The following MYO5B variants were observed in gnomAD, a reference collection of about 807,000 sequenced individuals.
MYO5B encodes the protein myosin VB.
MYO5B carries 143 observed loss-of-function variants against 229.3 expected under a neutral mutation model. The observed-to-expected ratio is 0.62, with a 90% CI of 0.54 to 0.72. The LOEUF (loss-of-function observed/expected upper bound fraction) is 0.72, where lower values mean the gene tolerates loss of function less well. MYO5B is among the 30% of genes least tolerant of loss of function. MYO5B has a pLI of 0.00. For missense variants in MYO5B, 2,321 were observed against 2,331.0 expected, an observed-to-expected ratio of 1.00 and a Z score of 0.09; for synonymous variants, 918 against 885.2, an observed-to-expected ratio of 1.04 and a Z score of -0.66.
chr18:49,897,019 CT>C (rs2024786266), intron 21 of MYO5B, among the ~76,000 whole-genome samples: 2 of 152,198 alleles, frequency 1.3e-5, no homozygotes, highest in Non-Finnish European at 2.9e-5. Flanking sequence ...AGCTATCTTC[CT>C]TGTTCAAGTT....
intron 17 of MYO5B, 74 bp from the exon 18 acceptor site, chr18:49,912,247 G>C (rs1598877497): frequency 9.3e-7 from 1 of 1,080,596 alleles, no homozygotes; most frequent in Non-Finnish European, 1.4e-6. Context: ...CGTGACCTCA[G>C]ACAGTTCCCT....
intron 1 of MYO5B, among the ~76,000 whole-genome samples, chr18:50,160,323 C>A (rs2144318322): frequency 6.6e-6 from 1 of 152,316 alleles, no homozygotes; most frequent in East Asian, 1.9e-4. Flanking sequence ...GAGGCCACAG[C>A]TGGAGGATCT....
intron 31 of MYO5B, among the ~76,000 whole-genome samples, chr18:49,851,652 G>A (rs1459707995): frequency 1.3e-5 from 2 of 149,842 alleles, no homozygotes; most frequent in Non-Finnish European, 3.0e-5. Flanking sequence ...TTGCTACCAG[G>A]AGGGACAATC....
chr18:49,952,068 C>A (rs2025436558), intron 14 of MYO5B, among the ~76,000 whole-genome samples: 1 of 152,214 alleles, frequency 6.6e-6, no homozygotes, highest in Non-Finnish European at 1.5e-5. Flanking sequence ...TCACACTGGG[C>A]AGGGGTCTGT....
At chr18:50,055,467 G>T in intron 1 of MYO5B, 89 bp from the exon 2 acceptor site, 1 of 1,054,018 alleles carries the variant, frequency 9.5e-7, no homozygotes, top group Non-Finnish European at 1.5e-6. Flanking sequence ...TGCCCATCAG[G>T]AGAACTTCTA....
chr18:49,995,219 T>C (rs2025974355), intron 5 of MYO5B, among the ~76,000 whole-genome samples: 1 of 151,152 alleles, frequency 6.6e-6, no homozygotes. Flanking sequence ...CCAAATCAAG[T>C]CAAAGGATAA....
In MYO5B at chr18:49,859,937, A is replaced by C. The variant is rs112140853; in HGVS notation, c.3945-3047T>G. Among the ~76,000 whole-genome samples the C allele has an allele frequency of 8.1e-3, 1,230 of 152,314 alleles. 8 individuals carry two copies. Among genetic ancestry groups the C allele is most frequent in the Admixed American group, 0.013 (193 of 15,302 alleles). ...TTGAGACTGCACACAGTTCCTTGTC[A>C]AACACAGTCTCCGCTGTCCCGGACA... On this transcript the variant is annotated intron_variant, in intron 29 of 39. Transcript: ENST00000285039.
In MYO5B at chr18:49,937,316, T is replaced by C. The variant is rs1267348047; in HGVS notation, c.1834A>G (p.Ile612Val). Reference sequence around the variant, plus strand: ...GGGGGTCTGGCAGAACGGACGCTGATCTTCGAAGATGACCCCTTCCCAGGG... The same window carrying C: ...GGGGGTCTGGCAGAACGGACGCTGACCTTCGAAGATGACCCCTTCCCAGGG... ...TTPGKGSSSK[I>V]SVRSARPPMK... Residue 612 changes from isoleucine (I) to valine (V), a missense_variant, in exon 15 of 40, where the codon ATC (isoleucine) becomes GTC (valine). Physicochemically the swap from Ile to Val is conservative, Grantham distance 29. Transcript: ENST00000285039. 1 of 1,614,140 alleles carries C rather than the reference T, an allele frequency of 6.2e-7. No individual in the cohort carries two copies. Among genetic ancestry groups the C allele is most frequent in the Non-Finnish European group, 8.5e-7 (1 of 1,180,010 alleles).
At chr18:50,076,103 CA>C (rs1186517577) in intron 1 of MYO5B, among the ~76,000 whole-genome samples, 3 of 152,152 alleles carry the variant, frequency 2.0e-5, no homozygotes, top group Admixed American at 6.5e-5. Flanking sequence ...GCTGGGAGGT[CA>C]ACAAGAAAGA....
intron 7 of MYO5B, among the ~76,000 whole-genome samples, chr18:49,989,239 T>C (rs867440733): frequency 2.6e-5 from 4 of 152,310 alleles, no homozygotes; most frequent in Admixed American, 6.5e-5. Context: ...GCAAGTGTTA[T>C]GAGGGCAGAC....
intron 22 of MYO5B, among the ~76,000 whole-genome samples, chr18:49,886,856 A>G (rs1242410122): frequency 1.3e-5 from 2 of 152,106 alleles, no homozygotes; most frequent in Non-Finnish European, 2.9e-5. Context: ...TCACTCATCC[A>G]TCACACATTT....
chr18:49,902,812 T>C lies in MYO5B; in HGVS notation c.2593A>G (p.Thr865Ala). 2 of 1,601,068 alleles carry C rather than the reference T, an allele frequency of 1.2e-6. No homozygotes were observed. The highest frequency in any genetic ancestry group is 1.7e-6 in the Non-Finnish European group (2 of 1,179,894). ...CCCCGCACGTGCTTCTGGATGGTGG[T>C]GGCCTTGTGCTCCATGAGGACCTGG... The part of the protein sequence containing the change: ...YRQVLMEHKA[T>A]TIQKHVRGWM... Residue 865 changes from threonine to alanine, a missense_variant, in exon 21 of 40, where the codon ACC (threonine) becomes GCC (alanine). Thr to Ala is a moderately conservative substitution (Grantham distance 58). Coordinates refer to ENST00000285039, the MANE Select transcript of MYO5B (RefSeq NM_001080467.3).
At chr18:50,126,889 A>G (rs1170285099) in intron 1 of MYO5B, among the ~76,000 whole-genome samples, 1 of 152,226 alleles carries the variant, frequency 6.6e-6, no homozygotes, top group African/African-American at 2.4e-5. Flanking sequence ...ATCTCATTGT[A>G]AAATAGGGTT....
At chr18:50,043,364 T>A (rs2030094345) in intron 2 of MYO5B, among the ~76,000 whole-genome samples, 1 of 82,516 alleles carries the variant, frequency 1.2e-5, no homozygotes, top group Non-Finnish European at 2.3e-5. Context: ...TATAAATATA[T>A]TATATAATAT....
intron 1 of MYO5B, among the ~76,000 whole-genome samples, chr18:50,132,206 G>A (rs893683078): frequency 1.3e-5 from 2 of 152,150 alleles, no homozygotes; most frequent in Non-Finnish European, 2.9e-5. Context: ...CAGTGGCCAC[G>A]GCAGTCCTTT....
At chr18:49,986,993 C>A (rs1231122326) in intron 7 of MYO5B, among the ~76,000 whole-genome samples, 3 of 152,228 alleles carry the variant, frequency 2.0e-5, no homozygotes, top group African/African-American at 7.2e-5. Flanking sequence ...CCAAACACAT[C>A]AGAAAGAGTC....
At chr18:49,863,586 G>A (rs539436546) in intron 28 of MYO5B, among the ~76,000 whole-genome samples, 1 of 152,264 alleles carries the variant, frequency 6.6e-6, no homozygotes, top group South Asian at 2.1e-4. Context: ...CCTGGGAGGA[G>A]AGAGCACCCA....
At chr18:50,183,600 A>C (rs1340273046) in intron 1 of MYO5B, among the ~76,000 whole-genome samples, 1 of 152,024 alleles carries the variant, frequency 6.6e-6, no homozygotes, top group Non-Finnish European at 1.5e-5. Flanking sequence ...AAGTGGACCA[A>C]GGCCCTGAGA....
chr18:50,001,464 C>T (rs2026046742), intron 4 of MYO5B, 53 bp from the exon 5 acceptor site: 2 of 1,599,728 alleles, frequency 1.3e-6, no homozygotes, highest in Middle Eastern at 1.7e-4. Context: ...GCTCTGCTAC[C>T]GTCCAGGGAC....
Sources: allele counts gnomAD v4.1 joint callset (sites outside exome capture counted in the v4.1 genomes callset), GRCh38; gene constraint gnomAD v4.1.1; transcripts MANE v1.5; gene names NCBI Gene and HGNC (gene_info 2026-07-23, HGNC 2026-07-21).